The following CREB5 variants were observed in gnomAD, a reference collection of about 807,000 sequenced individuals.
CREB5 encodes cAMP responsive element binding protein 5.
Under a neutral mutation model 57.1 loss-of-function variants are expected in CREB5, and 19 were observed. The ratio of observed to expected loss-of-function variants is 0.33; its 90% confidence interval spans 0.23 to 0.49. CREB5 has a LOEUF of 0.49. Among genes scored for constraint, CREB5 ranks in the 20% least tolerant of loss-of-function variants. The pLI is 0.99. For missense variants in CREB5, 579 were observed against 671.6 expected, an observed-to-expected ratio of 0.86 and a Z score of 1.52; for synonymous variants, 238 against 238.3, an observed-to-expected ratio of 1.00 and a Z score of 0.01.
At chr7:28,548,460 A>G (rs1448046973) in intron 4 of CREB5, among the ~76,000 whole-genome samples, 1 of 152,218 alleles carries the variant, frequency 6.6e-6, no homozygotes, top group African/African-American at 2.4e-5. Context: ...GACAGATGAC[A>G]TTCATGGTAC....
intron 6 of CREB5, among the ~76,000 whole-genome samples, chr7:28,723,353 G>A (rs563206828): frequency 3.3e-5 from 5 of 152,226 alleles, no homozygotes; most frequent in East Asian, 3.9e-4. Context: ...TGCCGTATTC[G>A]CTTCTTAGTA....
At chr7:28,578,929 T>G (rs75487554) in intron 5 of CREB5, among the ~76,000 whole-genome samples, 20,433 of 152,240 alleles carry the variant, frequency 0.13, 2,007 homozygotes, top group East Asian at 0.4. Flanking sequence ...AACATCCAAT[T>G]TGATCTCAAA....
At position 28,511,998 on chromosome 7, in the gene CREB5, GAGCCA is replaced by G. The variant is rs141648830; in HGVS notation, c.291+4263_291+4267del. Reference sequence around the variant, plus strand: ...AGATTCTGGATACATTTTGAAGAGAGAGCCAACAGGATTTGCTGATGGTTTAGATT... The same window carrying G: ...AGATTCTGGATACATTTTGAAGAGAGACAGGATTTGCTGATGGTTTAGATT... On this transcript the variant is annotated intron_variant, in intron 4 of 10. Coordinates refer to ENST00000357727, the MANE Select transcript of CREB5 (RefSeq NM_182898.4). 1.0e-2 allele frequency among the ~76,000 whole-genome samples: 1,523 copies of G among 152,306 alleles called. 19 individuals are homozygous for G. The highest frequency in any genetic ancestry group is 0.034 in the African/African-American group (1,413 of 41,544).
chr7:28,392,775 A>G (rs561374179), intron 1 of CREB5, among the ~76,000 whole-genome samples: 1 of 152,362 alleles, frequency 6.6e-6, no homozygotes, highest in Non-Finnish European at 1.5e-5. Flanking sequence ...TTCGAGGTAC[A>G]GGTTACACCT....
rs1248916778 is a variant in CREB5, at chr7:28,622,255, T to TCA, written c.464+51719_464+51720insAC. Among the ~76,000 whole-genome samples the TCA allele has an allele frequency of 7.1e-3, 1,004 of 140,804 alleles. 15 individuals carry two copies. The highest frequency in any genetic ancestry group is 0.026 in the African/African-American group (936 of 35,392). The allele number at this position is 140,804 out of a possible 152,430, so 92.4% of individuals were successfully genotyped here. A position where few individuals can be genotyped will look rare whatever the true frequency, so the allele number is the denominator to read the frequency against. ...CATATACACACATTCTCTCTCTCTCTCTCTCACACACACACACACACACAC... is the reference window on the plus strand; with the variant it reads ...CATATACACACATTCTCTCTCTCTCTCACTCTCACACACACACACACACACAC... On this transcript the variant is annotated intron_variant, in intron 5 of 10. Transcript: ENST00000357727.
intron 6 of CREB5, among the ~76,000 whole-genome samples, chr7:28,723,135 T>C (rs1453715521): frequency 6.6e-6 from 1 of 152,236 alleles, no homozygotes; most frequent in African/African-American, 2.4e-5. Flanking sequence ...TTCCAATCAT[T>C]GTTTTCATTT....
chr7:28,558,686 G>T (rs940651551), intron 4 of CREB5, among the ~76,000 whole-genome samples: 1 of 152,158 alleles, frequency 6.6e-6, no homozygotes, highest in Admixed American at 6.5e-5. Flanking sequence ...AGAAAGGGGG[G>T]CTTGGGCAAG....
chr7:28,639,499 T>C (rs1275864556), intron 5 of CREB5, among the ~76,000 whole-genome samples: 1 of 152,190 alleles, frequency 6.6e-6, no homozygotes, highest in Non-Finnish European at 1.5e-5. Context: ...GAACAATATA[T>C]TTAAATTTAA....
At chr7:28,451,781 T>G (rs1048975833) in intron 1 of CREB5, among the ~76,000 whole-genome samples, 1 of 152,076 alleles carries the variant, frequency 6.6e-6, no homozygotes, top group Non-Finnish European at 1.5e-5. Flanking sequence ...CCATCCTGGG[T>G]CCTGGGAACT....
At chr7:28,348,378 T>C (rs1583697680) in intron 1 of CREB5, among the ~76,000 whole-genome samples, 1 of 73,782 alleles carries the variant, frequency 1.4e-5, no homozygotes, top group East Asian at 4.5e-4. Context: ...TTTCTCTCTC[T>C]CTCTGTCTCT....
chr7:28,823,318 TATTA>T lies in CREB5; in HGVS notation c.*4043_*4046del, dbSNP rs1468636740. Reference sequence around the variant, plus strand: ...CCAAAGCAAAATTTGAACAGGAATCTATTAATTTAGAATTTTATAAGATATTTAT... The same window carrying T: ...CCAAAGCAAAATTTGAACAGGAATCTATTTAGAATTTTATAAGATATTTAT... On this transcript the variant is annotated 3_prime_UTR_variant, in exon 11 of 11. Transcript: ENST00000357727. 2.0e-5 allele frequency: 3 copies of T among 152,630 alleles called. No individual in the cohort carries two copies. Among genetic ancestry groups the T allele is most frequent in the African/African-American group, 7.2e-5 (3 of 41,466 alleles). The allele number at this position is 152,630 out of a possible 1,614,324, so 9.5% of individuals were successfully genotyped here.
chr7:28,765,733 C>A (rs1264481380), intron 7 of CREB5, among the ~76,000 whole-genome samples: 1 of 152,202 alleles, frequency 6.6e-6, no homozygotes, highest in Non-Finnish European at 1.5e-5. Context: ...AGATGTTACA[C>A]CAGATCTCAA....
chr7:28,648,941 A>C (rs1374317476), intron 5 of CREB5, among the ~76,000 whole-genome samples: 1 of 152,158 alleles, frequency 6.6e-6, no homozygotes, highest in Non-Finnish European at 1.5e-5. Context: ...TTAATGTACC[A>C]ATAAAGGTTT....
intron 5 of CREB5, among the ~76,000 whole-genome samples, chr7:28,583,784 T>G (rs1048457491): frequency 4.6e-5 from 7 of 152,172 alleles, no homozygotes; most frequent in African/African-American, 1.4e-4. Flanking sequence ...GTTCAAGCGA[T>G]TCTCCTGCCT....
chr7:28,543,380 G>A (rs1166550221), intron 4 of CREB5, among the ~76,000 whole-genome samples: 2 of 152,018 alleles, frequency 1.3e-5, no homozygotes, highest in Non-Finnish European at 2.9e-5. Context: ...ATGCATTTAT[G>A]TTTGCCTGCC....
chr7:28,560,391 A>G (rs944460566), intron 4 of CREB5, among the ~76,000 whole-genome samples: 1 of 152,110 alleles, frequency 6.6e-6, no homozygotes, highest in Non-Finnish European at 1.5e-5. Flanking sequence ...AGGCAAGGCT[A>G]AGTGTGGGCT....
chr7:28,533,154 C>T (rs216714), intron 4 of CREB5, among the ~76,000 whole-genome samples: 2,678 of 151,920 alleles, frequency 0.018, 68 homozygotes, highest in African/African-American at 0.061. Context: ...AGCAGTGAGC[C>T]GATATCGTAC....
At chr7:28,347,647 T>G (rs1786089053) in intron 1 of CREB5, among the ~76,000 whole-genome samples, 1 of 152,064 alleles carries the variant, frequency 6.6e-6, no homozygotes, top group South Asian at 2.1e-4. Context: ...CACCCCAGAG[T>G]GTCCAGGTTT....
chr7:28,651,916 C>G (rs1278419980), intron 5 of CREB5, among the ~76,000 whole-genome samples: 1 of 152,186 alleles, frequency 6.6e-6, no homozygotes, highest in African/African-American at 2.4e-5. Context: ...GAGCTGAATT[C>G]CAGTTCTGGC....
Sources: gnomAD v4.1 joint callset for allele counts (sites outside exome capture counted in the v4.1 genomes callset) on GRCh38, gnomAD v4.1.1 for gene constraint, MANE v1.5 for transcripts, NCBI Gene and HGNC (gene_info 2026-07-23, HGNC 2026-07-21) for gene names.